The following CCDC13 variants were observed in gnomAD, a reference collection of about 807,000 sequenced individuals.
CCDC13 encodes coiled-coil domain-containing protein 13.
In CCDC13, 70 loss-of-function variants were observed where a neutral mutation model predicts 87.3. The observed-to-expected ratio is 0.80, with a 90% confidence interval of 0.66 to 0.98. CCDC13 has a LOEUF of 0.98. CCDC13 is among the 50% of genes least tolerant of loss of function. The pLI is 0.00. For synonymous variants in CCDC13, 317 were observed against 360.3 expected, an observed-to-expected ratio of 0.88 and a Z score of 1.36; for missense variants, 842 against 892.0, an observed-to-expected ratio of 0.94 and a Z score of 0.71.
At chr3:42,754,878 A>ACTGTTGAAGCTGCAACCCCTT (rs1462773133) in intron 3 of CCDC13, among the ~76,000 whole-genome samples, 2 of 152,112 alleles carry the variant, frequency 1.3e-5, no homozygotes, top group Non-Finnish European at 2.9e-5. Flanking sequence ...GGCAAGCTCT[A>ACTGTTGAAGCTGCAACCCCTT]CTGTTGAAGC....
chr3:42,730,736 C>G (rs531259146), intron 12 of CCDC13, 147 bp from the exon 13 acceptor site: 3 of 1,060,322 alleles, frequency 2.8e-6, no homozygotes, highest in Admixed American at 5.3e-5. Flanking sequence ...TCTAGGTCCT[C>G]CCCTGCTGGC....
rs757924904 is a variant in CCDC13 at position 42,709,839 on chromosome 3, G to A, written c.1874-41C>T. 8.2e-6 allele frequency: 12 copies of A among 1,471,584 alleles called. No individual in the cohort carries two copies. The Admixed American group carries it at 1.3e-4, about 16-fold the overall frequency. The allele number at this position is 1,471,584 out of a possible 1,614,324, so 91.2% of individuals were successfully genotyped here. A position where few individuals can be genotyped will look rare whatever the true frequency, so the allele number is the denominator to read the frequency against. On this transcript the variant is annotated intron_variant, in intron 14 of 15. Transcript: ENST00000310232. ...AACCACTTTCTGTGAGGAGGCCACA[G>A]CCCTGTGCTAGCACCCTGCTTCTCC...
At chr3:42,764,307 G>A (rs1353521469) in intron 1 of CCDC13, among the ~76,000 whole-genome samples, 1 of 152,194 alleles carries the variant, frequency 6.6e-6, no homozygotes, top group Non-Finnish European at 1.5e-5. Flanking sequence ...TGGTCTTTCA[G>A]GTTAACTTTG....
chr3:42,762,137 G>T (rs2125912252), intron 1 of CCDC13, among the ~76,000 whole-genome samples: 1 of 152,342 alleles, frequency 6.6e-6, no homozygotes, highest in Non-Finnish European at 1.5e-5. Context: ...GCATGGGATG[G>T]TTTAACTGCT....
intron 5 of CCDC13, among the ~76,000 whole-genome samples, chr3:42,748,992 C>T (rs1699496767): frequency 6.6e-6 from 1 of 152,134 alleles, no homozygotes; most frequent in Non-Finnish European, 1.5e-5. Flanking sequence ...CTCCAGACCT[C>T]AGGTGATCCA....
rs753972766 is a variant in CCDC13 at position 42,758,251 on chromosome 3, T to G, written c.95A>C (p.Lys32Thr). ...QHKRLQKQME[K>T]KREKELSLKS... is the part of the protein sequence containing the mutation. ...GAGGCTCAGTTCTTTTTCCCTCTTT[T>G]TCTCCATCTGCTTCTGTAACCGTTT... The change falls in exon 2 of 16, where the codon AAA becomes ACA. Residue 32 changes from lysine (K) to threonine (T), a missense_variant. By Grantham distance (78) the Lys-to-Thr change is moderately conservative (BLOSUM62 -1). Coordinates refer to ENST00000310232, the MANE Select transcript of CCDC13 (RefSeq NM_144719.4). 6.2e-7 allele frequency: 1 copy of G among 1,613,908 alleles called. No homozygotes were observed. The highest frequency in any genetic ancestry group is 8.5e-7 in the Non-Finnish European group (1 of 1,180,036).
chr3:42,729,939 G>C (rs1056684823), intron 13 of CCDC13, among the ~76,000 whole-genome samples: 1 of 152,180 alleles, frequency 6.6e-6, no homozygotes. Flanking sequence ...TCATTTGAGC[G>C]AGGAGCACTG....
In CCDC13 at chr3:42,708,911, TCAGA is replaced by T. The variant is rs1698235996; in HGVS notation, c.*65_*68del. On this transcript the variant is annotated 3_prime_UTR_variant, in exon 16 of 16. Coordinates refer to ENST00000310232, the MANE Select transcript of CCDC13 (RefSeq NM_144719.4). Reference sequence around the variant, plus strand: ...TGGCTTCCCGGAGCAGATGGAGTCCTCAGACAGAGTCTTATCCTCTCAAGACCTG... The same window carrying T: ...TGGCTTCCCGGAGCAGATGGAGTCCTCAGAGTCTTATCCTCTCAAGACCTG... 1 of 1,498,196 alleles carries T rather than the reference TCAGA, an allele frequency of 6.7e-7. No individual in the cohort carries two copies. Among genetic ancestry groups the T allele is most frequent in the Admixed American group, 2.1e-5 (1 of 47,222 alleles). 92.8% of individuals were successfully genotyped at this position (1,498,196 alleles called of 1,614,324 possible).
intron 13 of CCDC13, among the ~76,000 whole-genome samples, chr3:42,726,032 G>C (rs1033113411): frequency 6.6e-6 from 1 of 152,114 alleles, no homozygotes; most frequent in African/African-American, 2.4e-5. Context: ...GAGAACAAGA[G>C]GGTTTTGTTG....
chr3:42,745,786 C>T (rs999280610), intron 7 of CCDC13, 137 bp downstream of exon 7: 23 of 586,848 alleles, frequency 3.9e-5, no homozygotes, highest in African/African-American at 3.9e-4. Flanking sequence ...AACAACAACC[C>T]CGCACGAGTG....
intron 8 of CCDC13, among the ~76,000 whole-genome samples, chr3:42,740,777 T>C (rs1198678224): frequency 6.6e-6 from 1 of 152,042 alleles, no homozygotes; most frequent in African/African-American, 2.4e-5. Context: ...GATGGAGACA[T>C]TGGGGAGGAG....
At chr3:42,765,750 G>A (rs1252260949) in intron 1 of CCDC13, among the ~76,000 whole-genome samples, 1 of 152,208 alleles carries the variant, frequency 6.6e-6, no homozygotes, top group Non-Finnish European at 1.5e-5. Flanking sequence ...AAGGGACGGT[G>A]CCTGAGTGGG....
intron 5 of CCDC13, 115 bp downstream of exon 5, chr3:42,751,821 G>T: frequency 1.2e-6 from 1 of 827,850 alleles, no homozygotes; most frequent in South Asian, 1.5e-5. Context: ...GCTCGGCAGC[G>T]GGGTTGGGGG....
At chr3:42,709,905 C>A in intron 14 of CCDC13, 107 bp from the exon 15 acceptor site, 2 of 842,268 alleles carry the variant, frequency 2.4e-6, no homozygotes, top group South Asian at 1.5e-5. Flanking sequence ...CATGGTGAAA[C>A]GCTACACCGC....
At position 42,713,274 on chromosome 3, in the gene CCDC13, C is replaced by T; in HGVS notation, c.1761G>A (p.Lys587=). The change falls in exon 14 of 16, where the codon AAG becomes AAA. Residue 587 remains lysine, a synonymous_variant. Transcript: ENST00000310232. ...CGGTGCGGTGTCGCTCCTCCTGCAG[C>T]TTCCTCTCTGACTCCAGGAGCTTGC... ...SNSKLLESER[K]LQEERHRTVV... The T allele has an allele frequency of 6.2e-7, 1 of 1,614,176 alleles. No homozygotes were observed. Among genetic ancestry groups the T allele is most frequent in the Non-Finnish European group, 8.5e-7 (1 of 1,180,022 alleles).
intron 5 of CCDC13, among the ~76,000 whole-genome samples, chr3:42,749,110 G>T (rs934716955): frequency 6.6e-6 from 1 of 151,906 alleles, no homozygotes; most frequent in African/African-American, 2.4e-5. Flanking sequence ...CTGTCTGGCC[G>T]CCTGCCATCC....
intron 6 of CCDC13, 75 bp from the exon 7 acceptor site, chr3:42,746,102 A>C: frequency 1.0e-5 from 11 of 1,067,240 alleles, no homozygotes; most frequent in Non-Finnish European, 1.6e-5. Context: ...ACGTATTTAG[A>C]AGCATATTCA....
intron 9 of CCDC13, 138 bp downstream of exon 9, chr3:42,739,496 G>T: frequency 1.1e-6 from 1 of 919,694 alleles, no homozygotes; most frequent in Non-Finnish European, 1.6e-6. Context: ...GGTACTGGGG[G>T]CCATCTGGAG....
intron 8 of CCDC13, among the ~76,000 whole-genome samples, chr3:42,740,236 C>T (rs1559649510): frequency 6.6e-6 from 1 of 152,192 alleles, no homozygotes; most frequent in Non-Finnish European, 1.5e-5. Context: ...GCACCTTGCA[C>T]CACCAGGAGC....
Sources: gnomAD v4.1 joint callset for allele counts (sites outside exome capture counted in the v4.1 genomes callset) on GRCh38, gnomAD v4.1.1 for gene constraint, MANE v1.5 for transcripts, NCBI Gene and HGNC (gene_info 2026-07-23, HGNC 2026-07-21) for gene names.